The following ACACA variants were observed in gnomAD, a reference collection of about 807,000 sequenced individuals.
The protein encoded by ACACA is acetyl-CoA carboxylase 1.
Under a neutral mutation model 296.1 loss-of-function variants are expected in ACACA, and 103 were observed. The ratio of observed to expected loss-of-function variants is 0.35; its 90% confidence interval spans 0.30 to 0.41. ACACA has a LOEUF of 0.41. Among genes scored for constraint, ACACA ranks in the 10% least tolerant of loss-of-function variants. The pLI is 1.00. For synonymous variants in ACACA, 953 were observed against 1,038.6 expected, an observed-to-expected ratio of 0.92 and a Z score of 1.58; for missense variants, 1,554 against 2,989.7, an observed-to-expected ratio of 0.52 and a Z score of 11.20.
chr17:37,183,645 G>A (rs2077408451), intron 39 of ACACA, among the ~76,000 whole-genome samples: 1 of 151,796 alleles, frequency 6.6e-6, no homozygotes, highest in Non-Finnish European at 1.5e-5. Flanking sequence ...TGGCTAACAC[G>A]GTGAAACCCC....
chr17:37,310,681 G>C (rs1481027636), intron 3 of ACACA, among the ~76,000 whole-genome samples: 2 of 150,718 alleles, frequency 1.3e-5, no homozygotes, highest in African/African-American at 4.9e-5. Flanking sequence ...TGTAATCCCA[G>C]CTACCTGGGA....
intron 25 of ACACA, among the ~76,000 whole-genome samples, chr17:37,233,130 C>T (rs1362149387): frequency 1.3e-5 from 2 of 152,236 alleles, no homozygotes; most frequent in Non-Finnish European, 2.9e-5. Context: ...AACCAGTTCT[C>T]TGACAGGGCC....
At chr17:37,197,086 C>T (rs1173187460) in intron 35 of ACACA, among the ~76,000 whole-genome samples, 1 of 152,156 alleles carries the variant, frequency 6.6e-6, no homozygotes, top group Non-Finnish European at 1.5e-5. Flanking sequence ...GAAATAATCT[C>T]CATGCAGTGT....
chr17:37,085,745 G>A lies in ACACA; in HGVS notation c.*1571C>T, dbSNP rs1003419451. 18 of 399,262 alleles carry A rather than the reference G, an allele frequency of 4.5e-5. No individual in the cohort carries two copies. The highest frequency in any genetic ancestry group is 6.3e-4 in the Middle Eastern group (1 of 1,592). The allele number at this position is 399,262 out of a possible 1,614,324, so 24.7% of individuals were successfully genotyped here. On this transcript the variant is annotated 3_prime_UTR_variant, in exon 56 of 56. Coordinates refer to ENST00000616317, the MANE Select transcript of ACACA (RefSeq NM_198834.3). ...ATTGAAAAGTCCAGCCAATCTATCC[G>A]CACAGATTCCTCCTGAAGAAGGGGA...
intron 35 of ACACA, among the ~76,000 whole-genome samples, chr17:37,198,524 C>T (rs1208089148): frequency 3.9e-5 from 6 of 152,142 alleles, no homozygotes; most frequent in Non-Finnish European, 7.3e-5. Context: ...TATTCTATCC[C>T]AAAGTATCAA....
Position 37,125,098 on chromosome 17 carries a change from C to A in ACACA, c.6041+600G>T, listed in dbSNP as rs9893030. On this transcript the variant is annotated intron_variant, in intron 48 of 55. Coordinates refer to ENST00000616317, the MANE Select transcript of ACACA (RefSeq NM_198834.3). ...TACAGATTATTTTGCACAGAGCTTG[C>A]TGTTGAGTGAAGCACTTCTTAGAGT... Among the ~76,000 whole-genome samples the A allele has an allele frequency of 6.5e-3, 995 of 152,220 alleles. 13 individuals are homozygous for A. The highest frequency in any genetic ancestry group is 0.023 in the African/African-American group (937 of 41,518).
chr17:37,152,133 G>A (rs533222383), intron 43 of ACACA, among the ~76,000 whole-genome samples: 139 of 152,288 alleles, frequency 9.1e-4, no homozygotes, highest in African/African-American at 3.1e-3. Flanking sequence ...ATACACACAG[G>A]AGTGTGACTC....
chr17:37,168,341 A>AT (rs907931598), intron 41 of ACACA, among the ~76,000 whole-genome samples: 2 of 151,970 alleles, frequency 1.3e-5, no homozygotes, highest in East Asian at 1.9e-4. Flanking sequence ...ATGAAATTGT[A>AT]TTTTTTTTCC....
At chr17:37,212,730 ATCC>A (rs2078804457) in intron 29 of ACACA, among the ~76,000 whole-genome samples, 1 of 151,598 alleles carries the variant, frequency 6.6e-6, no homozygotes, top group Non-Finnish European at 1.5e-5. Flanking sequence ...AGCTCAAGTG[ATCC>A]TCCTATCTCA....
intron 15 of ACACA, among the ~76,000 whole-genome samples, chr17:37,252,597 T>C (rs1272938703): frequency 2.0e-5 from 3 of 152,206 alleles, no homozygotes; most frequent in African/African-American, 7.2e-5. Context: ...ATACAGAAGT[T>C]GGCAACTATG....
intron 45 of ACACA, among the ~76,000 whole-genome samples, chr17:37,137,872 G>A (rs748697391): frequency 2.8e-4 from 42 of 152,172 alleles, no homozygotes; most frequent in Non-Finnish European, 4.7e-4. Context: ...TTTTACCAAT[G>A]GGTCAGGTAG....
At chr17:37,373,773 CAG>C (rs796383915) in intron 1 of ACACA, among the ~76,000 whole-genome samples, 13 of 152,222 alleles carry the variant, frequency 8.5e-5, no homozygotes, top group African/African-American at 2.9e-4. Context: ...AACTAATGTA[CAG>C]AGAGTTTCAA....
intron 14 of ACACA, among the ~76,000 whole-genome samples, chr17:37,255,935 C>T (rs962167138): frequency 4.6e-5 from 7 of 151,910 alleles, no homozygotes; most frequent in Non-Finnish European, 7.4e-5. Flanking sequence ...TTAGCAGAGA[C>T]GGGGTTTTAC....
Position 37,205,158 on chromosome 17 carries a change from G to A in ACACA, c.4056+607C>T, listed in dbSNP as rs535034315. Among the ~76,000 whole-genome samples the A allele has an allele frequency of 2.0e-5, 3 of 152,290 alleles. No homozygotes were observed. In the South Asian group the frequency reaches 6.2e-4, roughly 32 times the overall value. ...TAAATATGTACAGATTGTGGGTAGA[G>A]GGGTAGAATGAAGGAATGTCAAGGA... On this transcript the variant is annotated intron_variant, in intron 33 of 55. Transcript: ENST00000616317.
chr17:37,382,187 A>G (rs1352773349), intron 1 of ACACA, among the ~76,000 whole-genome samples: 3 of 152,118 alleles, frequency 2.0e-5, no homozygotes, highest in African/African-American at 7.2e-5. Flanking sequence ...TCAAAGGCTG[A>G]TAGTTACTGC....
intron 1 of ACACA, among the ~76,000 whole-genome samples, chr17:37,390,177 C>T (rs1437828642): frequency 1.1e-3 from 59 of 51,832 alleles, no homozygotes; most frequent in African/African-American, 1.8e-3. Context: ...TATATATATA[C>T]ACACACACAT....
chr17:37,323,968 C>T (rs1307216742), intron 3 of ACACA, among the ~76,000 whole-genome samples: 5 of 152,210 alleles, frequency 3.3e-5, no homozygotes, highest in African/African-American at 7.2e-5. Flanking sequence ...ACTGGCCGGG[C>T]GCCTGTAATC....
chr17:37,379,183 T>C, intron 1 of ACACA: 2 of 1,613,982 alleles, frequency 1.2e-6, no homozygotes, highest in Non-Finnish European at 1.7e-6. Flanking sequence ...AAAACCGGAC[T>C]ATAGCTACCC....
rs17848758 is a variant in ACACA, at chr17:37,243,620, T to A, written c.2743-61A>T. ...TAACACAATCCCCCAAATAAAAAGA[T>A]ATATAGTTGTCATTCTGTATACGTG... On this transcript the variant is annotated intron_variant, in intron 21 of 55. Coordinates refer to ENST00000616317, the MANE Select transcript of ACACA (RefSeq NM_198834.3). 2.5e-5 allele frequency: 39 copies of A among 1,550,376 alleles called. No homozygotes were observed. In the East Asian group the frequency reaches 8.8e-4, roughly 35 times the overall value.
Sources: gnomAD v4.1 joint callset for allele counts (sites outside exome capture counted in the v4.1 genomes callset) on GRCh38, gnomAD v4.1.1 for gene constraint, MANE v1.5 for transcripts, NCBI Gene and HGNC (gene_info 2026-07-23, HGNC 2026-07-21) for gene names.